WNK3: variants seen among roughly 807,000 people sequenced by gnomAD.
The protein encoded by WNK3 is serine/threonine-protein kinase WNK3.
A neutral mutation model predicts 116.7 loss-of-function variants in WNK3; 18 were observed. That is an observed-to-expected ratio of 0.15 (90% CI 0.11 to 0.23). WNK3 has a LOEUF of 0.23. WNK3 is among the 10% of genes least tolerant of loss of function. WNK3 has a pLI of 1.00. For missense variants in WNK3, 993 were observed against 1,323.8 expected (o/e 0.75, Z 3.88); for synonymous variants, 404 against 469.4 (o/e 0.86, Z 1.80).
intron 19 of WNK3, 40 bp downstream of exon 19, chrX:54,238,302 T>G: frequency 8.5e-7 from 1 of 1,181,606 alleles, no homozygotes; most frequent in Non-Finnish European, 1.1e-6. Context: ...TTATATTTTA[T>G]AATGCCCTTG....
chrX:54,259,119 C>CAAA (rs58139835), intron 11 of WNK3, among the ~76,000 whole-genome samples, 155 bp downstream of exon 11: 8 of 45,261 alleles, frequency 1.8e-4, no homozygotes, highest in African/African-American at 2.3e-4. Context: ...CATAAAAAAG[C>CAAA]AAAAAAAAAA....
chrX:54,339,832 C>T (rs1557176064), intron 1 of WNK3, among the ~76,000 whole-genome samples: 1 of 111,829 alleles, frequency 8.9e-6, no homozygotes, highest in African/African-American at 3.2e-5. Context: ...CCAGCCACAA[C>T]ACTAAAACCA....
Position 54,323,192 on chromosome X carries a change from T to G in WNK3, c.537+9945A>C, listed in dbSNP as rs782313883. Reference sequence around the variant, plus strand: ...ACCTTAACCAAGTGATCAAGATTATTATCACCAGTAATACAAAACAACACC... The same window carrying G: ...ACCTTAACCAAGTGATCAAGATTATGATCACCAGTAATACAAAACAACACC... On this transcript the variant is annotated intron_variant, in intron 2 of 23. Coordinates refer to ENST00000354646, the Ensembl canonical transcript of WNK3. Among the ~76,000 whole-genome samples the G allele has an allele frequency of 2.7e-5, 3 of 111,294 alleles. No individual in the cohort carries two copies. In the Admixed American group the frequency reaches 2.9e-4, roughly 11 times the overall value.
chrX:54,291,073 G>C (rs782227412), intron 10 of WNK3, among the ~76,000 whole-genome samples: 4 of 111,557 alleles, frequency 3.6e-5, no homozygotes, highest in Admixed American at 9.5e-5. Context: ...CAGCACTTTG[G>C]GAGGCCGAGG....
chrX:54,281,259 C>T (rs781923795), intron 10 of WNK3, among the ~76,000 whole-genome samples: 16 of 111,005 alleles, frequency 1.4e-4, no homozygotes, highest in Admixed American at 1.3e-3. Flanking sequence ...CTGAAGTGGG[C>T]GGATCACTTG....
intron 6 of WNK3, among the ~76,000 whole-genome samples, chrX:54,299,119 ATTTACT>A (rs1187393290): frequency 1.8e-5 from 2 of 112,169 alleles, no homozygotes; most frequent in African/African-American, 6.5e-5. Flanking sequence ...GGACAAGTTA[ATTTACT>A]TTTACTAACT....
At chrX:54,281,801 T>C (rs1293026783) in intron 10 of WNK3, among the ~76,000 whole-genome samples, 2 of 111,201 alleles carry the variant, frequency 1.8e-5, no homozygotes, top group African/African-American at 6.5e-5. Context: ...TATGTGTGTG[T>C]ATACACACAT....
chrX:54,318,275 G>A (rs1326159593), intron 2 of WNK3, among the ~76,000 whole-genome samples: 1 of 107,683 alleles, frequency 9.3e-6, no homozygotes, highest in Admixed American at 1.0e-4. Context: ...CATGAGAATT[G>A]CTTGAACCCA....
intron 7 of WNK3, among the ~76,000 whole-genome samples, chrX:54,296,285 T>C (rs1324125275): frequency 3.6e-5 from 4 of 111,056 alleles, no homozygotes; most frequent in African/African-American, 1.3e-4. Context: ...AACCTGTGCA[T>C]ATGAGATATC....
chrX:54,211,924 C>A (rs2495789), intron 22 of WNK3, among the ~76,000 whole-genome samples: 5 of 105,024 alleles, frequency 4.8e-5, no homozygotes, highest in African/African-American at 1.0e-4. Flanking sequence ...ATTTAGAACT[C>A]AAAAAAAAAA....
chrX:54,196,176 C>T (rs1274170922), exon 24 of WNK3: 2 of 111,127 alleles, frequency 1.8e-5, no homozygotes, highest in African/African-American at 3.3e-5. Context: ...ATTTGCATTA[C>T]ACTAATGTCC....
chrX:54,317,762 G>A (rs1256883966), intron 2 of WNK3, among the ~76,000 whole-genome samples: 1 of 108,113 alleles, frequency 9.2e-6, no homozygotes, highest in East Asian at 3.0e-4. Flanking sequence ...CTCCCAAGTA[G>A]CTGGGACTAC....
At chrX:54,230,067 G>A (rs1273151378) in intron 21 of WNK3, among the ~76,000 whole-genome samples, 1 of 111,257 alleles carries the variant, frequency 9.0e-6, no homozygotes, top group Non-Finnish European at 1.9e-5. Context: ...ACACTGTTAA[G>A]AGAATGAAAA....
intron 10 of WNK3, among the ~76,000 whole-genome samples, chrX:54,268,079 TGCACAC>T (rs1433035596): frequency 3.1e-5 from 2 of 63,726 alleles, no homozygotes; most frequent in South Asian, 9.5e-4. Flanking sequence ...TCTGAATGCG[TGCACAC>T]ACACACACAC....
intron 23 of WNK3, among the ~76,000 whole-genome samples, chrX:54,201,650 C>A (rs1346117809): frequency 9.0e-6 from 1 of 111,629 alleles, no homozygotes; most frequent in Non-Finnish European, 1.9e-5. Context: ...CAGCCCACCA[C>A]CTCTTTTTGT....
chrX:54,261,237 C>A (rs781913493), intron 10 of WNK3, among the ~76,000 whole-genome samples: 97 of 109,819 alleles, frequency 8.8e-4, no homozygotes, highest in African/African-American at 3.2e-3. Flanking sequence ...TACACCACTG[C>A]AGTCCAACCT....
chrX:54,250,252 G>C, intron 15 of WNK3, 121 bp from the exon 16 acceptor site: 1 of 676,849 alleles, frequency 1.5e-6, no homozygotes, highest in Non-Finnish European at 2.1e-6. Context: ...AATAGTACTA[G>C]AATATATGTA....
intron 1 of WNK3, among the ~76,000 whole-genome samples, chrX:54,342,000 C>T (rs1557176503): frequency 8.9e-6 from 1 of 112,234 alleles, no homozygotes; most frequent in Non-Finnish European, 1.9e-5. Flanking sequence ...AACACCTGTA[C>T]TCCCAGTATT....
At chrX:54,348,310 G>A (rs1395366781) in intron 1 of WNK3, among the ~76,000 whole-genome samples, 2 of 110,287 alleles carry the variant, frequency 1.8e-5, no homozygotes, top group African/African-American at 6.6e-5. Context: ...CAGAGTAGCT[G>A]GGATTACAGG....
Sources: gnomAD v4.1 joint callset for allele counts (sites outside exome capture counted in the v4.1 genomes callset) on GRCh38, gnomAD v4.1.1 for gene constraint, MANE v1.5 for transcripts, NCBI Gene and HGNC (gene_info 2026-07-23, HGNC 2026-07-21) for gene names.